The following CALN1 variants were observed in gnomAD, a reference collection of about 807,000 sequenced individuals.
CALN1 encodes calneuron 1.
Under a neutral mutation model 30.6 loss-of-function variants are expected in CALN1, and 17 were observed. The observed-to-expected ratio is 0.56, with a 90% CI of 0.38 to 0.83. The LOEUF (loss-of-function observed/expected upper bound fraction) is 0.83, where lower values mean the gene tolerates loss of function less well. Ranked by LOEUF, CALN1 falls within the 40% of genes least tolerant of loss-of-function variation. The pLI is 0.00. For missense variants in CALN1, 291 were observed against 354.9 expected (o/e 0.82, Z 1.45); for synonymous variants, 156 against 131.4 (o/e 1.19, Z -1.28).
rs112923657 is a variant in CALN1, at chr7:72,086,522, C to T, written c.388+19629G>A. On this transcript the variant is annotated intron_variant, in intron 4 of 6. Transcript: ENST00000395275. Reference sequence around the variant, plus strand: ...GATCTTGGCTCACAGCAACCTCTGCCTCTGGAGTTCAAGCGATTCTCCCAC... The same window carrying T: ...GATCTTGGCTCACAGCAACCTCTGCTTCTGGAGTTCAAGCGATTCTCCCAC... 5.7e-3 allele frequency among the ~76,000 whole-genome samples: 869 copies of T among 152,240 alleles called. 8 individuals are homozygous for T. The highest frequency in any genetic ancestry group is 0.02 in the African/African-American group (826 of 41,544).
chr7:72,427,107 C>T (rs756153687), intron 1 of CALN1, among the ~76,000 whole-genome samples: 5 of 152,276 alleles, frequency 3.3e-5, no homozygotes, highest in Middle Eastern at 3.4e-3. Context: ...CTCAGCCTCC[C>T]AAGTAGCTGG....
At chr7:72,169,541 C>G (rs915196574) in intron 3 of CALN1, among the ~76,000 whole-genome samples, 9 of 149,520 alleles carry the variant, frequency 6.0e-5, no homozygotes, top group African/African-American at 1.5e-4. Context: ...CAGGCTGGTC[C>G]TGAACTCCTA....
chr7:72,170,616 TCCTACATCC>T (rs1280322092), intron 3 of CALN1, among the ~76,000 whole-genome samples: 1 of 151,934 alleles, frequency 6.6e-6, no homozygotes, highest in African/African-American at 2.4e-5. Context: ...ATAAAGAGAG[TCCTACATCC>T]TAAGCTCCAA....
At chr7:72,453,214 C>G in the CALN1 span, among the ~76,000 whole-genome samples, 1 of 152,204 alleles carries the variant, frequency 6.6e-6, no homozygotes, top group South Asian at 2.1e-4. Context: ...AATTCAAGAG[C>G]AAGCTGATGG....
chr7:71,919,744 T>C (rs1310397849), intron 5 of CALN1, among the ~76,000 whole-genome samples: 3 of 152,126 alleles, frequency 2.0e-5, no homozygotes, highest in Non-Finnish European at 4.4e-5. Flanking sequence ...GAAAATAATA[T>C]GCCCCCTACA....
At chr7:72,132,611 G>A (rs1809233385) in intron 3 of CALN1, among the ~76,000 whole-genome samples, 1 of 152,130 alleles carries the variant, frequency 6.6e-6, no homozygotes, top group Non-Finnish European at 1.5e-5. Flanking sequence ...TTTCTCGCCG[G>A]CAGCTGCACA....
intron 5 of CALN1, among the ~76,000 whole-genome samples, chr7:71,868,683 G>A (rs1044592127): frequency 1.3e-5 from 2 of 152,036 alleles, no homozygotes; most frequent in East Asian, 3.9e-4. Flanking sequence ...CTAGCACCAA[G>A]GAGATGGGGC....
At chr7:71,810,524 A>C in intron 5 of CALN1, 32 bp from the exon 6 acceptor site, 7 of 1,600,970 alleles carry the variant, frequency 4.4e-6, no homozygotes, top group Non-Finnish European at 3.4e-6. Context: ...AGATGGTCAG[A>C]AGCATGTGGA....
chr7:72,268,575 G>A (rs1461012681), intron 3 of CALN1, among the ~76,000 whole-genome samples: 1 of 152,144 alleles, frequency 6.6e-6, no homozygotes, highest in East Asian at 1.9e-4. Flanking sequence ...GGAGGATGAG[G>A]CAGGCAGATC....
chr7:72,247,630 T>C (rs942757555), intron 3 of CALN1, among the ~76,000 whole-genome samples: 2 of 152,168 alleles, frequency 1.3e-5, no homozygotes, highest in Non-Finnish European at 2.9e-5. Flanking sequence ...CATAGTCCCC[T>C]GGTAGACATC....
chr7:71,786,291 A>C lies in CALN1; in HGVS notation c.*1484T>G, dbSNP rs1447187958. ...CATGTAGTTTTAGGATGTAATCAAA[A>C]GAAGTAGGAGCAAGGTAATTCCATT... is the stretch of plus-strand genomic sequence containing the variant. On this transcript the variant is annotated 3_prime_UTR_variant, in exon 7 of 7. Coordinates refer to ENST00000395275, the MANE Select transcript of CALN1 (RefSeq NM_031468.4). The C allele has an allele frequency of 6.6e-6, 1 of 152,230 alleles. No homozygotes were observed. Among genetic ancestry groups the C allele is most frequent in the Non-Finnish European group, 1.5e-5 (1 of 68,048 alleles). The allele number at this position is 152,230 out of a possible 1,614,324, so 9.4% of individuals were successfully genotyped here.
At chr7:71,840,967 A>C (rs1789906484) in intron 5 of CALN1, among the ~76,000 whole-genome samples, 1 of 152,158 alleles carries the variant, frequency 6.6e-6, no homozygotes, top group Non-Finnish European at 1.5e-5. Context: ...GAAAAAAAAA[A>C]AACCTTTTTA....
chr7:72,051,020 A>C (rs1347223882), intron 4 of CALN1, among the ~76,000 whole-genome samples: 1 of 150,726 alleles, frequency 6.6e-6, no homozygotes, highest in Non-Finnish European at 1.5e-5. Context: ...AAATAAATAA[A>C]TAAATAAATA....
rs1562826109 is a variant in CALN1 at position 71,837,693 on chromosome 7, T to TG, written c.502-27202dup. Among the ~76,000 whole-genome samples, 10 of 152,170 alleles carry TG rather than the reference T, an allele frequency of 6.6e-5. No homozygotes were observed. The South Asian group carries it at 2.1e-3, about 32-fold the overall frequency. On this transcript the variant is annotated intron_variant, in intron 5 of 6. Transcript: ENST00000395275. ...TGAATCAAAACAAGGGGTTCAAGAA[T>TG]GGGGGTAAAACAGGGTCTTAAGGTT...
chr7:72,470,420 C>T, the CALN1 span, among the ~76,000 whole-genome samples: 3,566 of 152,156 alleles, frequency 0.023, 282 homozygotes, highest in East Asian at 0.28. Flanking sequence ...CAGTAATGTA[C>T]GTCTGGCCAA....
At chr7:71,948,469 C>T (rs1248816380) in intron 5 of CALN1, among the ~76,000 whole-genome samples, 2 of 152,090 alleles carry the variant, frequency 1.3e-5, no homozygotes, top group African/African-American at 4.8e-5. Context: ...TTGGCTTATG[C>T]CTGTAATCCC....
intron 5 of CALN1, among the ~76,000 whole-genome samples, chr7:71,987,730 T>C (rs935945013): frequency 6.6e-6 from 1 of 152,250 alleles, no homozygotes; most frequent in Admixed American, 6.5e-5. Flanking sequence ...TGAAGGATCA[T>C]GCAGTTCAGT....
chr7:72,405,804 A>G (rs568162946), intron 1 of CALN1, among the ~76,000 whole-genome samples: 14 of 152,314 alleles, frequency 9.2e-5, no homozygotes, highest in African/African-American at 3.4e-4. Context: ...ATTGGTGGTA[A>G]ATGCATATTT....
At chr7:72,380,047 T>G (rs1415648206) in intron 2 of CALN1, among the ~76,000 whole-genome samples, 1 of 152,246 alleles carries the variant, frequency 6.6e-6, no homozygotes, top group Non-Finnish European at 1.5e-5. Flanking sequence ...TATTTGCTAC[T>G]GAAACATAGT....
Sources: allele counts gnomAD v4.1 joint callset (sites outside exome capture counted in the v4.1 genomes callset), GRCh38; gene constraint gnomAD v4.1.1; transcripts MANE v1.5; gene names NCBI Gene and HGNC (gene_info 2026-07-23, HGNC 2026-07-21).